TRIM55: variants seen among roughly 807,000 people sequenced by gnomAD.
TRIM55 encodes the protein tripartite motif containing 55.
In TRIM55, 50 loss-of-function variants were observed where a neutral mutation model predicts 60.9. The ratio of observed to expected loss-of-function variants is 0.82; its 90% CI spans 0.65 to 1.04. The LOEUF (loss-of-function observed/expected upper bound fraction) is 1.04, where lower values mean the gene tolerates loss of function less well. Ranked by LOEUF, TRIM55 falls within the 50% of genes least tolerant of loss-of-function variation. TRIM55 has a pLI of 0.00. For synonymous variants in TRIM55, 237 were observed against 238.1 expected (o/e 1.00, Z 0.04); for missense variants, 681 against 666.9 (o/e 1.02, Z -0.23).
rs746368387 is a variant in TRIM55 at position 66,128,516 on chromosome 8, A to G, written c.341+40A>G. On this transcript the variant is annotated intron_variant, in intron 2 of 9. Transcript: ENST00000315962. ...CTCTTCCATGTGTCAAGCCCATCTG[A>G]AACTTGTTTTTGTTTGTTTGTTTTA... 11 of 1,589,756 alleles carry G rather than the reference A, an allele frequency of 6.9e-6. No homozygotes were observed. In the Admixed American group the frequency reaches 2.1e-4, roughly 30 times the overall value.
chr8:66,164,055 T>A (rs1811189039), intron 9 of TRIM55, among the ~76,000 whole-genome samples: 1 of 152,156 alleles, frequency 6.6e-6, no homozygotes, highest in African/African-American at 2.4e-5. Flanking sequence ...TCTTTTTGTG[T>A]CTGCATGCTG....
At chr8:66,130,410 G>A (rs1434532642) in intron 2 of TRIM55, among the ~76,000 whole-genome samples, 1 of 152,152 alleles carries the variant, frequency 6.6e-6, no homozygotes, top group Admixed American at 6.5e-5. Context: ...CAGAGCACTT[G>A]GCCACATGTC....
chr8:66,155,031 G>T (rs1024015897), intron 9 of TRIM55, among the ~76,000 whole-genome samples: 3 of 152,216 alleles, frequency 2.0e-5, no homozygotes, highest in Admixed American at 6.5e-5. Context: ...GTCCACAGAA[G>T]AAATCTTTTA....
intron 9 of TRIM55, among the ~76,000 whole-genome samples, chr8:66,164,739 A>T (rs1811228054): frequency 2.0e-5 from 3 of 152,230 alleles, no homozygotes. Flanking sequence ...AGCCTACTAT[A>T]GGCAGATGCA....
At chr8:66,114,247 T>C in the TRIM55 span, among the ~76,000 whole-genome samples, 10 of 152,162 alleles carry the variant, frequency 6.6e-5, no homozygotes, top group African/African-American at 2.4e-4. Context: ...GCGGGATCGA[T>C]GCCCGCATCC....
At chr8:66,146,985 C>T (rs1810127656) in intron 4 of TRIM55, among the ~76,000 whole-genome samples, 1 of 152,192 alleles carries the variant, frequency 6.6e-6, no homozygotes, top group Admixed American at 6.5e-5. Flanking sequence ...CTCTGAGAAA[C>T]TCTTCCTGAG....
intron 2 of TRIM55, among the ~76,000 whole-genome samples, chr8:66,133,928 TACAC>T (rs1020670520): frequency 2.6e-5 from 4 of 151,998 alleles, no homozygotes; most frequent in African/African-American, 7.2e-5. Flanking sequence ...TATACACACA[TACAC>T]AAACACACAC....
At chr8:66,131,534 T>G (rs996316458) in intron 2 of TRIM55, among the ~76,000 whole-genome samples, 1 of 152,212 alleles carries the variant, frequency 6.6e-6, no homozygotes, top group Non-Finnish European at 1.5e-5. Context: ...TGGGAATTCT[T>G]TTACTCTCCC....
At chr8:66,140,745 C>A (rs558111897) in intron 4 of TRIM55, among the ~76,000 whole-genome samples, 2 of 152,328 alleles carry the variant, frequency 1.3e-5, no homozygotes, top group Non-Finnish European at 2.9e-5. Flanking sequence ...GATTATCTAC[C>A]AGGGTCAGGG....
At chr8:66,165,726 C>T (rs1563393274) in intron 9 of TRIM55, among the ~76,000 whole-genome samples, 1 of 152,140 alleles carries the variant, frequency 6.6e-6, no homozygotes, top group Non-Finnish European at 1.5e-5. Context: ...AAAACTGATC[C>T]GTCCTCAGGA....
At chr8:66,171,764 A>T (rs1811650792) in intron 9 of TRIM55, among the ~76,000 whole-genome samples, 1 of 152,190 alleles carries the variant, frequency 6.6e-6, no homozygotes, top group African/African-American at 2.4e-5. Flanking sequence ...TTTTGATTTG[A>T]TGGGCTGTGC....
At chr8:66,144,745 A>G (rs1810014604) in intron 4 of TRIM55, among the ~76,000 whole-genome samples, 1 of 152,274 alleles carries the variant, frequency 6.6e-6, no homozygotes, top group Admixed American at 6.5e-5. Flanking sequence ...ACTCAAGTAA[A>G]TGAAAAAGTA....
chr8:66,120,633 C>A, the TRIM55 span, among the ~76,000 whole-genome samples: 2 of 152,198 alleles, frequency 1.3e-5, no homozygotes, highest in Non-Finnish European at 2.9e-5. Flanking sequence ...TGGTTAACAG[C>A]ACTCTGTGTG....
chr8:66,156,626 C>T (rs1563386021), intron 9 of TRIM55, among the ~76,000 whole-genome samples: 1 of 152,100 alleles, frequency 6.6e-6, no homozygotes, highest in Admixed American at 6.5e-5. Flanking sequence ...CTCCTTGTTC[C>T]TGTAGCTCAA....
rs370261990 is a variant in TRIM55, at chr8:66,135,381, A to C, written c.507+226A>C. ...GGTGGGGGACCAGGCGAGACAGGGC[A>C]GGGGTGCCCAGGTTCAGGAAGTGGT... On this transcript the variant is annotated intron_variant, in intron 3 of 9. Transcript: ENST00000315962. 8.5e-5 allele frequency among the ~76,000 whole-genome samples: 13 copies of C among 152,218 alleles called. No homozygotes were observed. In the East Asian group the frequency reaches 2.1e-3, roughly 25 times the overall value.
chr8:66,167,952 A>G (rs754697071), intron 9 of TRIM55, among the ~76,000 whole-genome samples: 19 of 151,930 alleles, frequency 1.3e-4, no homozygotes, highest in Non-Finnish European at 2.6e-4. Flanking sequence ...GTCATGCCAT[A>G]TTGCCCAGGC....
intron 9 of TRIM55, among the ~76,000 whole-genome samples, chr8:66,170,547 GAAT>G (rs917972862): frequency 3.9e-5 from 6 of 152,104 alleles, no homozygotes; most frequent in African/African-American, 1.4e-4. Context: ...TGGCTATTGT[GAAT>G]AATGTTTCTG....
upstream of TRIM55, among the ~76,000 whole-genome samples, chr8:66,123,388 A>G (rs1046889746): frequency 3.9e-5 from 6 of 152,282 alleles, no homozygotes; most frequent in Middle Eastern, 3.4e-3. Context: ...CATGGTCCCC[A>G]TATTTGGCTC....
the TRIM55 span, among the ~76,000 whole-genome samples, chr8:66,118,160 C>T: frequency 1.0e-5 from 1 of 95,426 alleles, no homozygotes; most frequent in Non-Finnish European, 1.9e-5. Context: ...CAGAGCGAGA[C>T]TCCGTCTCAA....
Sources: allele counts gnomAD v4.1 joint callset (sites outside exome capture counted in the v4.1 genomes callset), GRCh38; gene constraint gnomAD v4.1.1; transcripts MANE v1.5; gene names NCBI Gene and HGNC (gene_info 2026-07-23, HGNC 2026-07-21).